The following MCU variants were observed in gnomAD, a reference collection of about 807,000 sequenced individuals.
MCU encodes mitochondrial calcium uniporter, also known as calcium uniporter protein, mitochondrial.
Under a neutral mutation model 45.2 loss-of-function variants are expected in MCU, and 12 were observed. That is an observed-to-expected ratio of 0.27 (90% CI 0.17 to 0.43). The LOEUF is 0.43. Among genes scored for constraint, MCU ranks in the 20% least tolerant of loss-of-function variants. The pLI is 1.00. For synonymous variants in MCU, 160 were observed against 165.1 expected (o/e 0.97, Z 0.24); for missense variants, 324 against 436.7 (o/e 0.74, Z 2.30).
At chr10:72,693,006 G>C in intron 1 of MCU, 1 of 1,536,174 alleles carries the variant, frequency 6.5e-7, no homozygotes. Flanking sequence ...TACTGTATAA[G>C]CGTGTTCACG....
chr10:72,867,087 A>G (rs572793473), intron 4 of MCU, among the ~76,000 whole-genome samples: 1 of 149,994 alleles, frequency 6.7e-6, no homozygotes, highest in East Asian at 1.9e-4. Flanking sequence ...GTTGTATCCC[A>G]TTTTACTATA....
chr10:72,736,125 C>T (rs1359138333), intron 1 of MCU, among the ~76,000 whole-genome samples: 1 of 152,148 alleles, frequency 6.6e-6, no homozygotes, highest in Non-Finnish European at 1.5e-5. Context: ...TTACTATAAA[C>T]AATTTAAGTG....
At chr10:72,788,184 T>C (rs1242846393) in intron 1 of MCU, among the ~76,000 whole-genome samples, 1 of 152,226 alleles carries the variant, frequency 6.6e-6, no homozygotes, top group Non-Finnish European at 1.5e-5. Flanking sequence ...TCAATAGGTA[T>C]AGAGTCCTTA....
chr10:72,831,973 T>C (rs1422662134), intron 1 of MCU, among the ~76,000 whole-genome samples: 1 of 152,212 alleles, frequency 6.6e-6, no homozygotes, highest in Non-Finnish European at 1.5e-5. Context: ...CTTTGACTTT[T>C]ACTCTGAAGT....
chr10:72,692,205 C>G lies in MCU; in HGVS notation c.54C>G (p.Gly18=), dbSNP rs753541570. 1.6e-6 allele frequency: 2 copies of G among 1,250,516 alleles called. No individual in the cohort carries two copies. The highest frequency in any genetic ancestry group is 2.0e-6 in the Non-Finnish European group (2 of 988,320). The allele number at this position is 1,250,516 out of a possible 1,614,324, so 77.5% of individuals were successfully genotyped here. ...TGCTGCTCCTCTCCTCTCGGGGCGG[C>G]GGCGGCGGGGGCGCCGGCGGCTGCG... ...SLLLLLSSRG[G]GGGGAGGCGA... Residue 18 remains glycine (G), a synonymous_variant, in exon 1 of 8, where the codon GGC becomes GGG. Coordinates refer to ENST00000373053, the MANE Select transcript of MCU (RefSeq NM_138357.3).
chr10:72,854,802 A>G (rs1289483146), intron 2 of MCU, among the ~76,000 whole-genome samples: 1 of 152,230 alleles, frequency 6.6e-6, no homozygotes, highest in Non-Finnish European at 1.5e-5. Flanking sequence ...ATTTGTTTAC[A>G]TATTGCCTGT....
chr10:72,780,614 C>G (rs1206906010), intron 1 of MCU, among the ~76,000 whole-genome samples: 1 of 143,930 alleles, frequency 6.9e-6, no homozygotes, highest in African/African-American at 2.5e-5. Context: ...AACAAATTTG[C>G]CATAATCTCT....
chr10:72,844,157 C>T (rs182192959), intron 2 of MCU, among the ~76,000 whole-genome samples: 11 of 152,200 alleles, frequency 7.2e-5, no homozygotes, highest in Admixed American at 2.0e-4. Flanking sequence ...GGGGCCAAGG[C>T]GGGCAGATCA....
intron 1 of MCU, among the ~76,000 whole-genome samples, chr10:72,826,721 C>T (rs1844803743): frequency 6.6e-6 from 1 of 152,156 alleles, no homozygotes; most frequent in African/African-American, 2.4e-5. Flanking sequence ...TGCTGTTTCA[C>T]TTTTTGTGGT....
chr10:72,758,279 A>G (rs140370899), intron 1 of MCU, among the ~76,000 whole-genome samples: 19 of 152,294 alleles, frequency 1.2e-4, no homozygotes, highest in African/African-American at 4.3e-4. Context: ...AGCTCGAGTG[A>G]TCTCTCATCT....
rs1845498268 is a variant in MCU at position 72,868,853 on chromosome 10, C to G, written c.647C>G (p.Pro216Arg). 23 of 1,613,134 alleles carry G rather than the reference C, an allele frequency of 1.4e-5. No individual in the cohort carries two copies. Among genetic ancestry groups the G allele is most frequent in the Non-Finnish European group, 1.9e-5 (23 of 1,179,742 alleles). ...RLEDLKEQLA[P>R]LEKVRIEISR... ...GAGGATCTCAAAGAGCAGCTGGCTC[C>G]CCTGGAAAAGGTAAAACTTCCAATC... The change falls in exon 5 of 8, where the codon CCC (proline) becomes CGC (arginine). Residue 216 changes from proline to arginine, a missense_variant. Transcript: ENST00000373053.
chr10:72,724,750 G>A (rs1352819292), intron 1 of MCU, among the ~76,000 whole-genome samples: 1 of 152,134 alleles, frequency 6.6e-6, no homozygotes, highest in East Asian at 1.9e-4. Flanking sequence ...TCAGCATATG[G>A]AAGAATTTTC....
intron 6 of MCU, among the ~76,000 whole-genome samples, chr10:72,880,503 T>C (rs1054707955): frequency 1.3e-5 from 2 of 151,318 alleles, no homozygotes; most frequent in African/African-American, 4.8e-5. Flanking sequence ...CCTAGAAATA[T>C]ATGTATAAAA....
chr10:72,747,257 CT>C (rs1334323015), intron 1 of MCU, among the ~76,000 whole-genome samples: 1 of 152,138 alleles, frequency 6.6e-6, no homozygotes, highest in African/African-American at 2.4e-5. Flanking sequence ...CACACAATGT[CT>C]ATACGAATGT....
chr10:72,792,988 T>A (rs1162405901), intron 1 of MCU, among the ~76,000 whole-genome samples: 2 of 151,976 alleles, frequency 1.3e-5, no homozygotes, highest in East Asian at 3.9e-4. Context: ...ACGTGATTCT[T>A]TTGCCTCAGC....
intron 1 of MCU, among the ~76,000 whole-genome samples, chr10:72,738,657 C>T (rs1169134618): frequency 6.6e-6 from 1 of 152,218 alleles, no homozygotes; most frequent in Non-Finnish European, 1.5e-5. Flanking sequence ...ATATTTGGCA[C>T]CCAGTTTATA....
intron 1 of MCU, among the ~76,000 whole-genome samples, chr10:72,777,026 TA>T (rs1843905607): frequency 6.6e-6 from 1 of 152,068 alleles, no homozygotes; most frequent in Admixed American, 6.5e-5. Context: ...AGGAAAACTA[TA>T]AAACTCTGAT....
intron 1 of MCU, among the ~76,000 whole-genome samples, chr10:72,733,717 C>A (rs1010906): frequency 0.63 from 93,147 of 147,254 alleles, 30,886 homozygotes; most frequent in African/African-American, 0.73. Flanking sequence ...TTTTAAAGAA[C>A]ATTTAGATAA....
At chr10:72,747,292 G>A (rs1316672714) in intron 1 of MCU, among the ~76,000 whole-genome samples, 1 of 152,194 alleles carries the variant, frequency 6.6e-6, no homozygotes, top group East Asian at 1.9e-4. Context: ...TGCATTCTTG[G>A]AGGATTAAGA....
Sources: gnomAD v4.1 joint callset for allele counts (sites outside exome capture counted in the v4.1 genomes callset) on GRCh38, gnomAD v4.1.1 for gene constraint, MANE v1.5 for transcripts, NCBI Gene and HGNC (gene_info 2026-07-23, HGNC 2026-07-21) for gene names.